The following GPC6 variants were observed in gnomAD, a reference collection of about 807,000 sequenced individuals.
GPC6 encodes the protein glypican-6.
In GPC6, 14 loss-of-function variants were observed where a neutral mutation model predicts 55.2. That is an observed-to-expected ratio of 0.25 (90% CI 0.17 to 0.40). The LOEUF is 0.40. GPC6 is among the 10% of genes least tolerant of loss of function. GPC6 has a pLI of 1.00. For missense variants in GPC6, 641 were observed against 708.5 expected (o/e 0.90, Z 1.08); for synonymous variants, 278 against 259.6 (o/e 1.07, Z -0.68).
intron 2 of GPC6, among the ~76,000 whole-genome samples, chr13:93,675,566 A>G (rs901160052): frequency 2.2e-4 from 34 of 152,140 alleles, no homozygotes; most frequent in African/African-American, 8.0e-4. Flanking sequence ...AATCTGTGCT[A>G]GTAAAAAGAG....
At chr13:93,783,908 A>G (rs1885739746) in intron 2 of GPC6, among the ~76,000 whole-genome samples, 1 of 152,120 alleles carries the variant, frequency 6.6e-6, no homozygotes, top group South Asian at 2.1e-4. Flanking sequence ...AATTGCCTTC[A>G]CCTCTTTGTT....
At chr13:93,715,000 G>A (rs1466130934) in intron 2 of GPC6, among the ~76,000 whole-genome samples, 2 of 151,570 alleles carry the variant, frequency 1.3e-5, no homozygotes, top group Non-Finnish European at 3.0e-5. Flanking sequence ...TAGCATATAA[G>A]GAGCAATGAA....
chr13:93,307,818 CAA>C (rs1054930487), intron 1 of GPC6, among the ~76,000 whole-genome samples: 21 of 151,986 alleles, frequency 1.4e-4, no homozygotes, highest in Admixed American at 5.9e-4. Flanking sequence ...TGAAAAATGC[CAA>C]GAGAGTGAAT....
At chr13:93,240,369 A>G (rs1384664786) in intron 1 of GPC6, among the ~76,000 whole-genome samples, 2 of 152,174 alleles carry the variant, frequency 1.3e-5, no homozygotes, top group Non-Finnish European at 2.9e-5. Context: ...CTATCATTAT[A>G]TAATGACCTT....
chr13:93,777,447 T>G (rs1265243921), intron 2 of GPC6, among the ~76,000 whole-genome samples: 1 of 152,184 alleles, frequency 6.6e-6, no homozygotes, highest in Non-Finnish European at 1.5e-5. Flanking sequence ...CACTACTACT[T>G]TTTTGTTGCC....
intron 4 of GPC6, among the ~76,000 whole-genome samples, chr13:94,091,077 C>A (rs758563031): frequency 2.6e-5 from 4 of 152,126 alleles, no homozygotes; most frequent in Non-Finnish European, 5.9e-5. Context: ...CATCTATTCA[C>A]TGCAATGTAG....
chr13:94,077,462 A>G (rs907811404), intron 4 of GPC6, among the ~76,000 whole-genome samples: 2 of 150,222 alleles, frequency 1.3e-5, no homozygotes, highest in Admixed American at 1.3e-4. Context: ...GAAGCCTTTT[A>G]TTTTTTTTTC....
At chr13:93,652,760 T>C in intron 2 of GPC6, among the ~76,000 whole-genome samples, 1 of 152,208 alleles carries the variant, frequency 6.6e-6, no homozygotes, top group East Asian at 1.9e-4. Context: ...AGGTAGGCAA[T>C]AAATAAATGT....
intron 4 of GPC6, among the ~76,000 whole-genome samples, chr13:94,232,687 T>A (rs577343803): frequency 6.6e-6 from 1 of 152,280 alleles, no homozygotes; most frequent in African/African-American, 2.4e-5. Flanking sequence ...GATGACATAT[T>A]TTTTTAGATT....
intron 3 of GPC6, among the ~76,000 whole-genome samples, chr13:93,992,357 G>A (rs1881350226): frequency 1.3e-5 from 2 of 152,096 alleles, no homozygotes; most frequent in African/African-American, 4.8e-5. Flanking sequence ...CCTTTTCAGT[G>A]AAATAGAAGG....
chr13:93,579,314 A>C (rs532497605), intron 2 of GPC6, among the ~76,000 whole-genome samples: 2 of 152,274 alleles, frequency 1.3e-5, no homozygotes, highest in African/African-American at 4.8e-5. Context: ...TCCTAATTTG[A>C]TTCTAGTAGT....
chr13:93,550,109 G>T (rs1875060851), intron 2 of GPC6, among the ~76,000 whole-genome samples: 1 of 152,062 alleles, frequency 6.6e-6, no homozygotes. Flanking sequence ...AGAGGAATGG[G>T]TGTTTTTTGT....
intron 1 of GPC6, among the ~76,000 whole-genome samples, chr13:93,354,216 A>G (rs1178629952): frequency 6.6e-6 from 1 of 152,186 alleles, no homozygotes; most frequent in Non-Finnish European, 1.5e-5. Context: ...AATGGCGACT[A>G]GCAATACAGG....
chr13:94,330,733 TGAGCTCTGTGCTCCATG>T (rs903187297), intron 6 of GPC6, among the ~76,000 whole-genome samples: 1 of 152,164 alleles, frequency 6.6e-6, no homozygotes, highest in African/African-American at 2.4e-5. Context: ...CAATATGCAA[TGAGCTCTGTGCTCCATG>T]TTTTTCCCTG....
chr13:94,142,801 G>A (rs1421432089), intron 4 of GPC6, among the ~76,000 whole-genome samples: 1 of 151,492 alleles, frequency 6.6e-6, no homozygotes, highest in Non-Finnish European at 1.5e-5. Context: ...GAGAGATAGA[G>A]AGGAACATTT....
At chr13:93,620,440 C>T (rs1268746780) in intron 2 of GPC6, among the ~76,000 whole-genome samples, 1 of 152,152 alleles carries the variant, frequency 6.6e-6, no homozygotes, top group Non-Finnish European at 1.5e-5. Context: ...TTCATTTCCT[C>T]TCTGGTATTA....
chr13:93,982,311 GA>G (rs890191363), intron 3 of GPC6, among the ~76,000 whole-genome samples: 1 of 151,944 alleles, frequency 6.6e-6, no homozygotes, highest in African/African-American at 2.4e-5. Context: ...GAAAAGAGAA[GA>G]CAAAAAGACA....
At chr13:93,318,297 G>C (rs534282883) in intron 1 of GPC6, among the ~76,000 whole-genome samples, 2 of 151,924 alleles carry the variant, frequency 1.3e-5, no homozygotes, top group South Asian at 4.2e-4. Context: ...TTTGTTGTTT[G>C]ATACTAATGG....
At position 93,399,061 on chromosome 13, in the gene GPC6, GACACAC is replaced by G. The variant is rs35212206; in HGVS notation, c.161-146185_161-146180del. 8.0e-5 allele frequency among the ~76,000 whole-genome samples: 12 copies of G among 150,712 alleles called. 1 individual carries two copies. The highest frequency in any genetic ancestry group is 1.3e-4 in the Admixed American group (2 of 15,188). ...CATCTCTCTCCTACACACACACACA[GACACAC>G]ACACACACACACACACGTGCACACA... On this transcript the variant is annotated intron_variant, in intron 1 of 8. Coordinates refer to ENST00000377047, the MANE Select transcript of GPC6 (RefSeq NM_005708.5).
Sources: gnomAD v4.1 joint callset for allele counts (sites outside exome capture counted in the v4.1 genomes callset) on GRCh38, gnomAD v4.1.1 for gene constraint, MANE v1.5 for transcripts, NCBI Gene and HGNC (gene_info 2026-07-23, HGNC 2026-07-21) for gene names.